The following RIN3 variants were observed in gnomAD, a reference collection of about 807,000 sequenced individuals.
RIN3 encodes the protein RAB5 interacting protein 3.
RIN3 carries 54 observed loss-of-function variants against 76.3 expected under a neutral mutation model. The observed-to-expected ratio is 0.71, with a 90% confidence interval of 0.57 to 0.89. The LOEUF (loss-of-function observed/expected upper bound fraction) is 0.89, where lower values mean the gene tolerates loss of function less well. Among genes scored for constraint, RIN3 ranks in the 40% least tolerant of loss-of-function variants. The probability of loss-of-function intolerance (pLI) is 0.00; values close to 1 mark genes in which losing one functional copy is unlikely to be tolerated. For missense variants in RIN3, 1,256 were observed against 1,322.1 expected (o/e 0.95, Z 0.78); for synonymous variants, 576 against 564.0 (o/e 1.02, Z -0.30).
chr14:92,561,143 A>T lies in RIN3; in HGVS notation c.249+5188A>T, dbSNP rs909832851. Among the ~76,000 whole-genome samples, 28 of 48,124 alleles carry T rather than the reference A, an allele frequency of 5.8e-4. No individual in the cohort carries two copies. The Admixed American group carries it at 6.5e-3, about 11-fold the overall frequency. 31.6% of individuals were successfully genotyped at this position (48,124 alleles called of 152,430 possible). On this transcript the variant is annotated intron_variant, in intron 2 of 9. Transcript: ENST00000216487. Reference sequence around the variant, plus strand: ...TTTATATATATTTATATTTATATATATTTTTATATATATATTTATATATAT... The same window carrying T: ...TTTATATATATTTATATTTATATATTTTTTTATATATATATTTATATATAT...
chr14:92,558,014 G>C (rs995386038), intron 2 of RIN3, among the ~76,000 whole-genome samples: 1 of 152,214 alleles, frequency 6.6e-6, no homozygotes, highest in Non-Finnish European at 1.5e-5. Flanking sequence ...AGCTGGATGG[G>C]ACATAGTCAT....
intron 1 of RIN3, among the ~76,000 whole-genome samples, chr14:92,543,941 G>A (rs576229700): frequency 6.6e-6 from 1 of 152,202 alleles, no homozygotes; most frequent in African/African-American, 2.4e-5. Flanking sequence ...TCCCTGCCCT[G>A]TGGGAATTCC....
chr14:92,585,204 G>T (rs970912399), intron 3 of RIN3, among the ~76,000 whole-genome samples: 1 of 151,966 alleles, frequency 6.6e-6, no homozygotes, highest in Admixed American at 6.6e-5. Context: ...GTAGAGATGG[G>T]GTCTCTGTGT....
At chr14:92,566,319 A>T (rs1897915222) in intron 2 of RIN3, among the ~76,000 whole-genome samples, 1 of 152,214 alleles carries the variant, frequency 6.6e-6, no homozygotes, top group East Asian at 1.9e-4. Context: ...TTCTCACCTC[A>T]TGGTTGCAAA....
At chr14:92,665,370 CTTTTTTTTTTTTTTTTT>C (rs55818571) in intron 7 of RIN3, among the ~76,000 whole-genome samples, 1 of 83,580 alleles carries the variant, frequency 1.2e-5, no homozygotes, top group African/African-American at 5.0e-5. Flanking sequence ...GCCTTTGTCT[CTTTTTTTTTTTTTTTTT>C]TTTTTTTTTG....
chr14:92,591,016 G>A (rs2140076712), intron 3 of RIN3, among the ~76,000 whole-genome samples: 1 of 152,322 alleles, frequency 6.6e-6, no homozygotes, highest in East Asian at 1.9e-4. Context: ...ATATGGTAGA[G>A]AGGTTGGAAT....
intron 3 of RIN3, among the ~76,000 whole-genome samples, chr14:92,577,932 CA>C (rs1372246327): frequency 6.6e-6 from 1 of 152,128 alleles, no homozygotes; most frequent in East Asian, 1.9e-4. Flanking sequence ...GTCAAAGGGA[CA>C]AACACTTTGA....
intron 4 of RIN3, among the ~76,000 whole-genome samples, chr14:92,630,443 G>T (rs1886534920): frequency 6.6e-6 from 1 of 152,226 alleles, no homozygotes; most frequent in East Asian, 1.9e-4. Flanking sequence ...AGTGAATTGA[G>T]ACTGTGCCAC....
At chr14:92,638,522 G>C (rs1011385121) in intron 4 of RIN3, among the ~76,000 whole-genome samples, 2 of 152,200 alleles carry the variant, frequency 1.3e-5, no homozygotes, top group African/African-American at 4.8e-5. Context: ...CAGTCAGGGG[G>C]TGGGCACAGA....
intron 2 of RIN3, among the ~76,000 whole-genome samples, chr14:92,575,178 G>T (rs1310596693): frequency 6.6e-6 from 1 of 152,100 alleles, no homozygotes; most frequent in Non-Finnish European, 1.5e-5. Context: ...GAATAACAAT[G>T]ATTATGATGA....
At chr14:92,556,504 C>T (rs561002850) in intron 2 of RIN3, among the ~76,000 whole-genome samples, 59 of 152,226 alleles carry the variant, frequency 3.9e-4, no homozygotes, top group African/African-American at 1.3e-3. Flanking sequence ...ACACCACCCC[C>T]GAGGCTCTTA....
At chr14:92,538,317 G>T (rs1173849545) in intron 1 of RIN3, among the ~76,000 whole-genome samples, 1 of 152,196 alleles carries the variant, frequency 6.6e-6, no homozygotes, top group Non-Finnish European at 1.5e-5. Flanking sequence ...GTTTGTATGA[G>T]GCTGAACATC....
At chr14:92,545,465 A>G (rs1297404688) in intron 1 of RIN3, among the ~76,000 whole-genome samples, 2 of 152,002 alleles carry the variant, frequency 1.3e-5, no homozygotes, top group Non-Finnish European at 2.9e-5. Context: ...GGAATAGTAC[A>G]GTGAATTCTT....
At chr14:92,592,933 C>T (rs1340372473) in intron 3 of RIN3, among the ~76,000 whole-genome samples, 1 of 151,406 alleles carries the variant, frequency 6.6e-6, no homozygotes, top group East Asian at 1.9e-4. Context: ...CTCGGCCTCC[C>T]AAAGTGCTGG....
chr14:92,558,887 C>CTTTTTT (rs61202055), intron 2 of RIN3, among the ~76,000 whole-genome samples: 33 of 130,708 alleles, frequency 2.5e-4, no homozygotes, highest in East Asian at 4.4e-4. Context: ...CTTTTCTTTT[C>CTTTTTT]TTTTTTTTTT....
intron 3 of RIN3, among the ~76,000 whole-genome samples, chr14:92,580,048 T>C (rs1489047418): frequency 6.6e-6 from 1 of 151,966 alleles, no homozygotes; most frequent in East Asian, 1.9e-4. Context: ...TATAAGGAGG[T>C]CTTTCCGCAG....
At chr14:92,538,363 A>T (rs1241609164) in intron 1 of RIN3, among the ~76,000 whole-genome samples, 1 of 152,194 alleles carries the variant, frequency 6.6e-6, no homozygotes. Flanking sequence ...AAATGGTTGG[A>T]TGTTGCCAGT....
intron 4 of RIN3, 139 bp downstream of exon 4, chr14:92,615,618 C>A: frequency 2.8e-6 from 2 of 722,342 alleles, no homozygotes; most frequent in East Asian, 5.0e-5. Flanking sequence ...GGGCACAGGC[C>A]CCTCTGGGAA....
intron 3 of RIN3, among the ~76,000 whole-genome samples, chr14:92,583,005 G>A (rs1884614170): frequency 6.6e-6 from 1 of 152,226 alleles, no homozygotes; most frequent in South Asian, 2.1e-4. Flanking sequence ...CCTTGTGCAA[G>A]TTACTTTACC....
Sources: gnomAD v4.1 joint callset for allele counts (sites outside exome capture counted in the v4.1 genomes callset) on GRCh38, gnomAD v4.1.1 for gene constraint, MANE v1.5 for transcripts, NCBI Gene and HGNC (gene_info 2026-07-23, HGNC 2026-07-21) for gene names.